Variants in SNX6 observed in about 807,000 individuals in gnomAD.
The protein encoded by SNX6 is sorting nexin-6.
In SNX6, 34 loss-of-function variants were observed where a neutral mutation model predicts 63.0. The ratio of observed to expected loss-of-function variants is 0.54; its 90% confidence interval spans 0.41 to 0.72. The LOEUF is 0.72. Among genes scored for constraint, SNX6 ranks in the 30% least tolerant of loss-of-function variants. The probability of loss-of-function intolerance (pLI) is 0.00; values close to 1 mark genes in which losing one functional copy is unlikely to be tolerated. For synonymous variants in SNX6, 170 were observed against 164.2 expected (o/e 1.04, Z -0.27); for missense variants, 398 against 471.4 (o/e 0.84, Z 1.44).
intron 11 of SNX6, among the ~76,000 whole-genome samples, chr14:34,572,967 C>A (rs1881516968): frequency 6.6e-6 from 1 of 151,998 alleles, no homozygotes; most frequent in Admixed American, 6.6e-5. Context: ...CAGGTGTGAG[C>A]CACCGCACCT....
chr14:34,609,856 G>T (rs540883878), intron 2 of SNX6, 114 bp from the exon 3 acceptor site: 2 of 689,422 alleles, frequency 2.9e-6, no homozygotes, highest in South Asian at 3.9e-5. Context: ...TAAGTCTAAA[G>T]AGGTACTCAT....
chr14:34,581,780 T>A (rs976074077), intron 9 of SNX6, among the ~76,000 whole-genome samples, 180 bp from the exon 10 acceptor site: 1 of 152,192 alleles, frequency 6.6e-6, no homozygotes, highest in African/African-American at 2.4e-5. Flanking sequence ...CTTCTACCAA[T>A]AAAACTGATT....
chr14:34,608,191 T>G, intron 3 of SNX6, 51 bp from the exon 4 acceptor site: 1 of 1,121,788 alleles, frequency 8.9e-7, no homozygotes, highest in Non-Finnish European at 1.3e-6. Flanking sequence ...CACTAAAAAG[T>G]TTTTTGAAAC....
chr14:34,568,143 A>ATT, intron 11 of SNX6, 130 bp from the exon 12 acceptor site: 17 of 620,260 alleles, frequency 2.7e-5, no homozygotes, highest in South Asian at 3.6e-5. Flanking sequence ...CAGTTACTCC[A>ATT]ATTTTTTTTT....
intron 10 of SNX6, among the ~76,000 whole-genome samples, chr14:34,576,305 T>C (rs1319696578): frequency 6.6e-6 from 1 of 152,112 alleles, no homozygotes; most frequent in South Asian, 2.1e-4. Flanking sequence ...TTAACTATAG[T>C]ATCCATTCCT....
At chr14:34,570,236 A>C (rs1881383795) in intron 11 of SNX6, among the ~76,000 whole-genome samples, 1 of 151,470 alleles carries the variant, frequency 6.6e-6, no homozygotes. Flanking sequence ...CGCCTGGCTA[A>C]TTTTGTATTT....
At chr14:34,577,231 C>T (rs1193009358) in intron 10 of SNX6, among the ~76,000 whole-genome samples, 1 of 151,796 alleles carries the variant, frequency 6.6e-6, no homozygotes, top group Non-Finnish European at 1.5e-5. Context: ...TACAGGTGCA[C>T]GTCACCAAGC....
chr14:34,570,294 G>A (rs946845056), intron 11 of SNX6, among the ~76,000 whole-genome samples: 5 of 151,518 alleles, frequency 3.3e-5, no homozygotes, highest in Non-Finnish European at 2.9e-5. Context: ...TTGAACTCCC[G>A]ACCTCAAGTA....
At chr14:34,629,786 A>C (rs369429098) in intron 2 of SNX6, 121 bp downstream of exon 2, 12 of 1,441,908 alleles carry the variant, frequency 8.3e-6, no homozygotes, top group South Asian at 7.9e-5. Flanking sequence ...AGGAAACCGA[A>C]AGGAGGACTA....
chr14:34,581,616 T>G lies in SNX6; in HGVS notation c.795-16A>C, dbSNP rs1881938966. 1.4e-6 allele frequency: 2 copies of G among 1,444,086 alleles called. No individual in the cohort carries two copies. The highest frequency in any genetic ancestry group is 2.8e-5 in the African/African-American group (2 of 71,656). The allele number at this position is 1,444,086 out of a possible 1,614,324, so 89.5% of individuals were successfully genotyped here. On this transcript the variant is annotated splice_polypyrimidine_tract_variant and intron_variant, in intron 9 of 13. Coordinates refer to ENST00000362031, the MANE Select transcript of SNX6 (RefSeq NM_152233.4). ...GAGAAAAAACCTGGAAAGGAAAATA[T>G]TTTCATCATATTCTACATTCAAAGT...
intron 6 of SNX6, among the ~76,000 whole-genome samples, chr14:34,602,106 A>G (rs1050592501): frequency 2.6e-5 from 4 of 150,952 alleles, no homozygotes; most frequent in Non-Finnish European, 5.9e-5. Flanking sequence ...CCTGGCCAAC[A>G]TGGTGAAACT....
chr14:34,613,679 G>A (rs1351030894), intron 2 of SNX6, among the ~76,000 whole-genome samples: 1 of 152,040 alleles, frequency 6.6e-6, no homozygotes, highest in African/African-American at 2.4e-5. Context: ...TGAAGTCCCA[G>A]CTACTCCGGA....
At chr14:34,611,748 CAAA>C (rs1171892665) in intron 2 of SNX6, among the ~76,000 whole-genome samples, 5 of 107,152 alleles carry the variant, frequency 4.7e-5, no homozygotes, top group African/African-American at 7.3e-5. Context: ...GACACTGTCT[CAAA>C]AAAAAAAAAA....
chr14:34,574,294 C>T (rs1248592069), intron 11 of SNX6, among the ~76,000 whole-genome samples: 1 of 149,616 alleles, frequency 6.7e-6, no homozygotes, highest in Admixed American at 6.7e-5. Flanking sequence ...TGCAATCATG[C>T]CACTGCACTC....
chr14:34,563,123 T>C lies in SNX6; in HGVS notation c.1220A>G (p.Ter407=). The C allele has an allele frequency of 6.2e-7, 1 of 1,613,842 alleles. No individual in the cohort carries two copies. The highest frequency in any genetic ancestry group is 8.5e-7 in the Non-Finnish European group (1 of 1,179,820). ...NCLAVLNGDT[*] is the part of the protein sequence containing the mutation. ...TTTAACAGGAAGGCGGAGTGTGGCT[T>C]ATGTGTCTCCATTTAACACTGCCAG... Residue 407 remains the stop codon, a stop_retained_variant, in exon 14 of 14, where the codon TAA becomes TGA. Transcript: ENST00000362031.
intron 8 of SNX6, among the ~76,000 whole-genome samples, chr14:34,592,622 C>T (rs773181622): frequency 1.3e-5 from 2 of 152,140 alleles, no homozygotes; most frequent in African/African-American, 2.4e-5. Flanking sequence ...TATGGTGGTA[C>T]GATCCATCAC....
At position 34,562,972 on chromosome 14, in the gene SNX6, C is replaced by T. The variant is rs1298367132; in HGVS notation, c.*150G>A. 1 of 739,512 alleles carries T rather than the reference C, an allele frequency of 1.4e-6. No homozygotes were observed. Among genetic ancestry groups the T allele is most frequent in the East Asian group, 2.7e-5 (1 of 37,428 alleles). 45.8% of individuals were successfully genotyped at this position (739,512 alleles called of 1,614,324 possible). ...ACTGGCATCGCCTGGGCGTGCGCTG[C>T]TCCATGTTTCTCAGAAAAAGAGGAG... On this transcript the variant is annotated 3_prime_UTR_variant, in exon 14 of 14. Coordinates refer to ENST00000362031, the MANE Select transcript of SNX6 (RefSeq NM_152233.4).
intron 8 of SNX6, among the ~76,000 whole-genome samples, chr14:34,586,558 A>T (rs913716220): frequency 3.9e-5 from 6 of 152,060 alleles, no homozygotes; most frequent in African/African-American, 1.4e-4. Context: ...AAATAAAAAA[A>T]TCAGCCAGGT....
At chr14:34,614,197 C>T (rs908301733) in intron 2 of SNX6, among the ~76,000 whole-genome samples, 5 of 151,762 alleles carry the variant, frequency 3.3e-5, no homozygotes, top group African/African-American at 1.2e-4. Context: ...GAGGCTGAGG[C>T]GATTGGAACA....
Sources: allele counts gnomAD v4.1 joint callset (sites outside exome capture counted in the v4.1 genomes callset), GRCh38; gene constraint gnomAD v4.1.1; transcripts MANE v1.5; gene names NCBI Gene and HGNC (gene_info 2026-07-23, HGNC 2026-07-21).